TXNRD1: variants seen among roughly 807,000 people sequenced by gnomAD.
The protein encoded by TXNRD1 is thioredoxin reductase 1.
TXNRD1 carries 57 observed loss-of-function variants against 80.3 expected under a neutral mutation model. That is an observed-to-expected ratio of 0.71 (90% CI 0.57 to 0.89). The LOEUF (loss-of-function observed/expected upper bound fraction) is 0.89. Among genes scored for constraint, TXNRD1 ranks in the 40% least tolerant of loss-of-function variants. The pLI, the probability that TXNRD1 is intolerant of heterozygous loss-of-function variation, is 0.00. For synonymous variants in TXNRD1, 291 were observed against 285.2 expected, an observed-to-expected ratio of 1.02 and a Z score of -0.20; for missense variants, 730 against 803.0, an observed-to-expected ratio of 0.91 and a Z score of 1.10.
At chr12:104,219,469 A>T (rs1426185335) in intron 1 of TXNRD1, among the ~76,000 whole-genome samples, 1 of 152,244 alleles carries the variant, frequency 6.6e-6, no homozygotes, top group African/African-American at 2.4e-5. Context: ...GCATGATCTC[A>T]GTCCTTGAAC....
Position 104,331,515 on chromosome 12 carries a change from T to C in TXNRD1, c.1543-19T>C. ...TATAACTTTGCCTATTATAACTCCT[T>C]ACCTCCATTTTTAAACAGTGTGACT... On this transcript the variant is annotated intron_variant, in intron 13 of 16. Coordinates refer to ENST00000525566, the MANE Select transcript of TXNRD1 (RefSeq NM_001093771.3). 6.5e-7 allele frequency: 1 copy of C among 1,546,698 alleles called. No individual in the cohort carries two copies. Among genetic ancestry groups the C allele is most frequent in the Non-Finnish European group, 8.9e-7 (1 of 1,129,858 alleles).
chr12:104,258,785 C>G (rs917618991), intron 3 of TXNRD1, among the ~76,000 whole-genome samples: 11 of 152,068 alleles, frequency 7.2e-5, no homozygotes, highest in African/African-American at 2.2e-4. Flanking sequence ...AAAAAGTTAA[C>G]CAGGCACAGT....
intron 15 of TXNRD1, among the ~76,000 whole-genome samples, chr12:104,338,337 C>CT: frequency 6.6e-6 from 1 of 151,900 alleles, no homozygotes. Flanking sequence ...ACATCATACT[C>CT]TATGTTTTGG....
rs1336068404 is a variant in TXNRD1, at chr12:104,318,912, G to A, written c.731-1G>A. The A allele has an allele frequency of 6.2e-7, 1 of 1,606,212 alleles. No homozygotes were observed. The highest frequency in any genetic ancestry group is 1.3e-5 in the African/African-American group (1 of 74,452). On this transcript the variant is annotated splice_acceptor_variant, in intron 7 of 16. Transcript: ENST00000525566. LOFTEE classifies it high-confidence loss of function. ...AGATTTTGTTTTATTTTCTTATACAGTTAAGCATGATTGGGACAGAATGAT... is the reference window on the plus strand; with the variant it reads ...AGATTTTGTTTTATTTTCTTATACAATTAAGCATGATTGGGACAGAATGAT...
intron 2 of TXNRD1, among the ~76,000 whole-genome samples, chr12:104,253,057 C>T (rs1461831279): frequency 6.6e-6 from 1 of 151,944 alleles, no homozygotes; most frequent in Non-Finnish European, 1.5e-5. Flanking sequence ...GACTTACTTT[C>T]CAGATCTCAA....
At chr12:104,272,951 T>C (rs1040409300) in intron 3 of TXNRD1, among the ~76,000 whole-genome samples, 19 of 151,536 alleles carry the variant, frequency 1.3e-4, no homozygotes, top group Admixed American at 2.6e-4. Context: ...GATCACATCA[T>C]TGCACTCCAG....
At chr12:104,326,322 C>T (rs1263215874) in intron 11 of TXNRD1, 25 bp from the exon 12 acceptor site, 2 of 1,486,692 alleles carry the variant, frequency 1.3e-6, no homozygotes, top group African/African-American at 2.9e-5. Context: ...TGTTATTAGT[C>T]ACTAATATAT....
chr12:104,269,012 C>G (rs900047568), intron 3 of TXNRD1, among the ~76,000 whole-genome samples: 36 of 146,358 alleles, frequency 2.5e-4, no homozygotes, highest in African/African-American at 9.1e-4. Context: ...TCAAGTGATT[C>G]TCCTGCCTCA....
intron 1 of TXNRD1, among the ~76,000 whole-genome samples, chr12:104,226,067 G>T (rs2032466653): frequency 6.6e-6 from 1 of 152,056 alleles, no homozygotes; most frequent in African/African-American, 2.4e-5. Flanking sequence ...TGGGCGTGTG[G>T]TGGGCACCTG....
chr12:104,293,038 G>C (rs1175350547), intron 4 of TXNRD1, among the ~76,000 whole-genome samples: 1 of 152,180 alleles, frequency 6.6e-6, no homozygotes, highest in Non-Finnish European at 1.5e-5. Flanking sequence ...ACTATGAATA[G>C]AGTTCCTACT....
intron 2 of TXNRD1, among the ~76,000 whole-genome samples, chr12:104,256,920 A>AT (rs1232563495): frequency 1.6e-4 from 24 of 151,310 alleles, no homozygotes; most frequent in African/African-American, 5.6e-4. Flanking sequence ...TCCATACAAT[A>AT]GGAAGTACTG....
intron 16 of TXNRD1, among the ~76,000 whole-genome samples, chr12:104,343,523 G>A (rs1403217783): frequency 6.6e-6 from 1 of 152,156 alleles, no homozygotes; most frequent in East Asian, 1.9e-4. Flanking sequence ...TAAGAGGCCA[G>A]GCGTGGTGGC....
intron 3 of TXNRD1, chr12:104,286,116 A>C (rs2033966472): frequency 6.6e-6 from 1 of 152,214 alleles, no homozygotes; most frequent in East Asian, 1.9e-4. Context: ...AGGAGCCCGC[A>C]ACGCTCTCAG....
At position 104,255,890 on chromosome 12, in the gene TXNRD1, G is replaced by C. The variant is rs556613567; in HGVS notation, c.244-2129G>C. 8.5e-5 allele frequency among the ~76,000 whole-genome samples: 13 copies of C among 152,178 alleles called. No homozygotes were observed. In the East Asian group the frequency reaches 2.3e-3, roughly 27 times the overall value. On this transcript the variant is annotated intron_variant, in intron 2 of 16. Coordinates refer to ENST00000525566, the MANE Select transcript of TXNRD1 (RefSeq NM_001093771.3). Reference sequence around the variant, plus strand: ...CAAGTCTTCTAGATAAACATCCCCTGGTTTTACCTTGTTGATTTCAGATTG... The same window carrying C: ...CAAGTCTTCTAGATAAACATCCCCTCGTTTTACCTTGTTGATTTCAGATTG...
chr12:104,338,808 C>CT (rs1028366173), intron 15 of TXNRD1, among the ~76,000 whole-genome samples: 1 of 151,984 alleles, frequency 6.6e-6, no homozygotes, highest in African/African-American at 2.4e-5. Flanking sequence ...GCTCTGCCTC[C>CT]TGGGTTCACG....
chr12:104,297,657 G>A (rs887705071), intron 4 of TXNRD1, among the ~76,000 whole-genome samples: 5 of 152,132 alleles, frequency 3.3e-5, no homozygotes, highest in African/African-American at 4.8e-5. Flanking sequence ...AAGCTACCAT[G>A]CCCGGCCTGA....
At chr12:104,348,174 T>G (rs2036553018) in intron 16 of TXNRD1, among the ~76,000 whole-genome samples, 179 bp from the exon 17 acceptor site, 1 of 152,218 alleles carries the variant, frequency 6.6e-6, no homozygotes, top group African/African-American at 2.4e-5. Context: ...TTTTAAAATG[T>G]CTTCCCCCTT....
At chr12:104,338,710 A>AG (rs2036225479) in intron 15 of TXNRD1, among the ~76,000 whole-genome samples, 1 of 151,806 alleles carries the variant, frequency 6.6e-6, no homozygotes, top group Non-Finnish European at 1.5e-5. Context: ...AAAAAAAAAA[A>AG]AGTCTCTGGT....
At chr12:104,308,486 C>T (rs750729574) in intron 4 of TXNRD1, among the ~76,000 whole-genome samples, 2 of 151,866 alleles carry the variant, frequency 1.3e-5, no homozygotes, top group Admixed American at 6.6e-5. Flanking sequence ...AATAAAAATA[C>T]GTTAACATTT....
Sources: allele counts gnomAD v4.1 joint callset (sites outside exome capture counted in the v4.1 genomes callset), GRCh38; gene constraint gnomAD v4.1.1; transcripts MANE v1.5; gene names NCBI Gene and HGNC (gene_info 2026-07-23, HGNC 2026-07-21).